ALDH3A2: variants seen among roughly 807,000 people sequenced by gnomAD.
ALDH3A2 encodes the protein aldehyde dehydrogenase family 3 member A2.
ALDH3A2 carries 36 observed loss-of-function variants against 51.3 expected under a neutral mutation model. That is an observed-to-expected ratio of 0.70 (90% CI 0.54 to 0.93). The LOEUF (loss-of-function observed/expected upper bound fraction) is 0.93, where lower values mean the gene tolerates loss of function less well. Among genes scored for constraint, ALDH3A2 ranks in the 40% least tolerant of loss-of-function variants. The pLI is 0.00. For synonymous variants in ALDH3A2, 199 were observed against 219.8 expected (o/e 0.91, Z 0.84); for missense variants, 552 against 603.1 (o/e 0.92, Z 0.89).
intron 8 of ALDH3A2, 70 bp downstream of exon 8, chr17:19,665,117 G>A (rs1386800767): frequency 7.3e-7 from 1 of 1,372,954 alleles, no homozygotes. Flanking sequence ...TGGATTGTAT[G>A]GGCTGCTGAA....
chr17:19,653,900 G>A (rs568642936), intron 3 of ALDH3A2, among the ~76,000 whole-genome samples: 25 of 152,208 alleles, frequency 1.6e-4, no homozygotes, highest in African/African-American at 4.8e-4. Context: ...TGATTGGTGC[G>A]TTTACAATCC....
chr17:19,652,530 C>T lies in ALDH3A2; in HGVS notation c.386-17C>T. The T allele has an allele frequency of 1.3e-6, 2 of 1,592,268 alleles. No homozygotes were observed. Among genetic ancestry groups the T allele is most frequent in the Non-Finnish European group, 1.7e-6 (2 of 1,160,408 alleles). Reference sequence around the variant, plus strand: ...TTAAATATTAGATGATACTGTTCTACTTTTTACTTTATTTAGGAAATGCTG... The same window carrying T: ...TTAAATATTAGATGATACTGTTCTATTTTTTACTTTATTTAGGAAATGCTG... On this transcript the variant is annotated splice_polypyrimidine_tract_variant and intron_variant, in intron 2 of 9. Coordinates refer to ENST00000176643, the MANE Select transcript of ALDH3A2 (RefSeq NM_000382.3).
rs1057517278 is a variant in ALDH3A2 at position 19,657,863 on chromosome 17, G to A, written c.798+1G>A. ...ATGGAAGATTAAGGAAACAGTGAAG[G>A]TTTGTATTAAAAACATCTGATTCCA... On this transcript the variant is annotated splice_donor_variant, in intron 5 of 9. Coordinates refer to ENST00000176643, the MANE Select transcript of ALDH3A2 (RefSeq NM_000382.3). LOFTEE classifies it high-confidence loss of function. 6.3e-7 allele frequency: 1 copy of A among 1,591,538 alleles called. No individual in the cohort carries two copies. The highest frequency in any genetic ancestry group is 1.7e-5 in the Admixed American group (1 of 59,974).
Position 19,676,001 on chromosome 17 carries a change from G to A in ALDH3A2, c.*429G>A. The A allele has an allele frequency of 4.2e-6, 1 of 238,082 alleles. No individual in the cohort carries two copies. The highest frequency in any genetic ancestry group is 8.3e-6 in the Non-Finnish European group (1 of 120,862). The allele number at this position is 238,082 out of a possible 1,614,324, so 14.7% of individuals were successfully genotyped here. A position where few individuals can be genotyped will look rare whatever the true frequency, so the allele number is the denominator to read the frequency against. On this transcript the variant is annotated 3_prime_UTR_variant, in exon 10 of 10. Coordinates refer to ENST00000176643, the MANE Select transcript of ALDH3A2 (RefSeq NM_000382.3). ...TTCCCAGGGCTACCGGCAGTCCTCT[G>A]TAGTCCAGAGAGGTGAGATTAGATC... is the stretch of plus-strand genomic sequence containing the variant.
At chr17:19,660,349 TTA>T (rs2084950838) in intron 5 of ALDH3A2, among the ~76,000 whole-genome samples, 1 of 152,158 alleles carries the variant, frequency 6.6e-6, no homozygotes, top group African/African-American at 2.4e-5. Context: ...CACATGCATT[TTA>T]GCAAGCTGCA....
intron 6 of ALDH3A2, chr17:19,662,215 T>C (rs2152330252): frequency 6.6e-6 from 1 of 152,332 alleles, no homozygotes; most frequent in South Asian, 2.1e-4. Flanking sequence ...GATTAGCTTA[T>C]AGACTAATTA....
intron 5 of ALDH3A2, among the ~76,000 whole-genome samples, chr17:19,659,056 A>G (rs986799666): frequency 1.3e-5 from 2 of 151,504 alleles, no homozygotes; most frequent in Non-Finnish European, 2.9e-5. Flanking sequence ...ACATGGCAAA[A>G]CCCATCTCTA....
intron 9 of ALDH3A2, chr17:19,673,166 C>G (rs1409249228): frequency 1.9e-6 from 3 of 1,614,166 alleles, no homozygotes; most frequent in East Asian, 4.5e-5. Flanking sequence ...CCAAGCTGTG[C>G]TGAGGAGAAA....
intron 4 of ALDH3A2, 45 bp downstream of exon 4, chr17:19,656,619 G>T (rs1268049959): frequency 2.6e-6 from 4 of 1,530,120 alleles, no homozygotes; most frequent in Non-Finnish European, 3.6e-6. Flanking sequence ...CAGCACAATG[G>T]AGACTTTTCC....
chr17:19,656,045 T>A (rs1168606231), intron 3 of ALDH3A2: 1 of 384,900 alleles, frequency 2.6e-6, no homozygotes, highest in Non-Finnish European at 5.0e-6. Context: ...CAGAGGCACT[T>A]CTGCACACAC....
intron 6 of ALDH3A2, among the ~76,000 whole-genome samples, chr17:19,661,600 A>G (rs187250641): frequency 6.2e-4 from 94 of 152,344 alleles, no homozygotes; most frequent in Non-Finnish European, 1.0e-3. Flanking sequence ...AGAAGGAAAT[A>G]GCTTGGCCAC....
rs753004988 is a variant in ALDH3A2, at chr17:19,671,901, A to G, written c.1388A>G (p.Lys463Arg). 3.1e-6 allele frequency: 5 copies of G among 1,613,970 alleles called. No homozygotes were observed. The highest frequency in any genetic ancestry group is 4.2e-6 in the Non-Finnish European group (5 of 1,180,032). ...FFLLKRFNKEKLGLLLLTFLG... is the reference protein window; with the variant it reads ...FFLLKRFNKERLGLLLLTFLG... ...CTCTTGAAACGGTTCAACAAAGAAA[A>G]ACTCGGTCTCCTGTTGCTCACTTTC... is the stretch of plus-strand genomic sequence containing the variant. Residue 463 changes from lysine to arginine, a missense_variant, in exon 9 of 10, where the codon AAA (lysine) becomes AGA (arginine). By Grantham distance (26) the Lys-to-Arg change is conservative (BLOSUM62 2). Coordinates refer to ENST00000176643, the MANE Select transcript of ALDH3A2 (RefSeq NM_000382.3).
At chr17:19,673,276 G>A (rs572187658) in intron 9 of ALDH3A2, 1 of 1,613,892 alleles carries the variant, frequency 6.2e-7, no homozygotes, top group Non-Finnish European at 8.5e-7. Flanking sequence ...TAAGAGTGAG[G>A]TAGGAACTTT....
Position 19,654,182 on chromosome 17 carries a change from T to C in ALDH3A2, c.471+1550T>C, listed in dbSNP as rs1038325038. Among the ~76,000 whole-genome samples the C allele has an allele frequency of 3.3e-5, 5 of 152,232 alleles. No individual in the cohort carries two copies. Among genetic ancestry groups the C allele is most frequent in the Non-Finnish European group, 7.3e-5 (5 of 68,044 alleles). Reference sequence around the variant, plus strand: ...GACACAGAGTGCTGATTGGTGCATATACAATCCTCCGGCTAGACATAAAAG... The same window carrying C: ...GACACAGAGTGCTGATTGGTGCATACACAATCCTCCGGCTAGACATAAAAG... On this transcript the variant is annotated intron_variant, in intron 3 of 9. Transcript: ENST00000176643. This position sits in a 1 kb window ranked among gnomAD's most constrained non-coding sequence, Gnocchi z 4.5.
intron 1 of ALDH3A2, among the ~76,000 whole-genome samples, chr17:19,650,439 CTTGTTTTTGTTT>C (rs765487705): frequency 2.0e-5 from 3 of 151,798 alleles, no homozygotes; most frequent in African/African-American, 7.3e-5. Flanking sequence ...AGGCTATCAT[CTTGTTTTTGTTT>C]TTGTTTTTGT....
Position 19,651,528 on chromosome 17 carries a change from T to C in ALDH3A2, c.154-19T>C. On this transcript the variant is annotated intron_variant, in intron 1 of 9. Transcript: ENST00000176643. ...ATCATACTTACTCTGCAAGATTAAC[T>C]GTGATTCTCTTATAACAGAGTGAAT... 6.3e-7 allele frequency: 1 copy of C among 1,588,840 alleles called. No homozygotes were observed. Among genetic ancestry groups the C allele is most frequent in the East Asian group, 2.2e-5 (1 of 44,738 alleles).
chr17:19,673,158 A>G (rs777354534), intron 9 of ALDH3A2: 27 of 1,614,100 alleles, frequency 1.7e-5, no homozygotes, highest in Middle Eastern at 1.6e-4. Flanking sequence ...CAGAAATACC[A>G]AGCTGTGCTG....
intron 7 of ALDH3A2, among the ~76,000 whole-genome samples, chr17:19,664,398 C>G (rs547458424): frequency 6.6e-6 from 1 of 152,256 alleles, no homozygotes; most frequent in African/African-American, 2.4e-5. Flanking sequence ...TTGCTGGCAC[C>G]CAAGGGTAAA....
rs558783298 is a variant in ALDH3A2 at position 19,666,186 on chromosome 17, T to G, written c.1207+1139T>G. On this transcript the variant is annotated intron_variant, in intron 8 of 9. Coordinates refer to ENST00000176643, the MANE Select transcript of ALDH3A2 (RefSeq NM_000382.3). ...TTTGGGATCAAGCAGCAGGATTGGC[T>G]GATGGAGTGAATGTTGGAGGAGGGG... 1.6e-4 allele frequency among the ~76,000 whole-genome samples: 24 copies of G among 152,036 alleles called. No individual in the cohort carries two copies. The South Asian group carries it at 4.2e-3, about 26-fold the overall frequency.
Sources: allele counts gnomAD v4.1 joint callset (sites outside exome capture counted in the v4.1 genomes callset), GRCh38; gene constraint gnomAD v4.1.1; non-coding constraint Gnocchi (gnomAD v3.1); transcripts MANE v1.5; gene names NCBI Gene and HGNC (gene_info 2026-07-23, HGNC 2026-07-21).